The following PCDH9 variants were observed in gnomAD, a reference collection of about 807,000 sequenced individuals.
The protein encoded by PCDH9 is protocadherin 9.
In PCDH9, 24 loss-of-function variants were observed where a neutral mutation model predicts 70.6. The ratio of observed to expected loss-of-function variants is 0.34; its 90% CI spans 0.25 to 0.48. The LOEUF (loss-of-function observed/expected upper bound fraction) is 0.48, where lower values mean the gene tolerates loss of function less well. Among genes scored for constraint, PCDH9 ranks in the 20% least tolerant of loss-of-function variants. The pLI is 0.99. For missense variants in PCDH9, 1,281 were observed against 1,503.6 expected (o/e 0.85, Z 2.45); for synonymous variants, 562 against 558.5 (o/e 1.01, Z -0.09).
At chr13:66,586,999 T>A (rs944738107) in intron 4 of PCDH9, among the ~76,000 whole-genome samples, 4 of 152,002 alleles carry the variant, frequency 2.6e-5, no homozygotes, top group African/African-American at 7.2e-5. Context: ...AAAATTAATA[T>A]ATTATCACTG....
chr13:66,611,233 A>G (rs948251605), intron 4 of PCDH9, among the ~76,000 whole-genome samples: 3 of 152,206 alleles, frequency 2.0e-5, no homozygotes, highest in African/African-American at 7.2e-5. Context: ...TTTCATTCAC[A>G]GAGACTAACT....
intron 4 of PCDH9, among the ~76,000 whole-genome samples, chr13:66,445,623 A>G (rs1176783403): frequency 7.2e-6 from 1 of 138,330 alleles, no homozygotes; most frequent in African/African-American, 2.7e-5. Context: ...ATATATACAC[A>G]TATATATTAT....
intron 2 of PCDH9, among the ~76,000 whole-genome samples, chr13:66,909,637 C>G (rs570318618): frequency 6.6e-6 from 1 of 151,876 alleles, no homozygotes; most frequent in Admixed American, 6.6e-5. Flanking sequence ...GGCGTGGTGG[C>G]GGGCGCCTGT....
At chr13:67,045,405 C>T (rs1378503065) in intron 2 of PCDH9, among the ~76,000 whole-genome samples, 1 of 151,948 alleles carries the variant, frequency 6.6e-6, no homozygotes, top group Non-Finnish European at 1.5e-5. Context: ...CTTTGAATAC[C>T]TCTTTCCATC....
At chr13:67,028,334 C>T (rs1326725930) in intron 2 of PCDH9, among the ~76,000 whole-genome samples, 24 of 141,308 alleles carry the variant, frequency 1.7e-4, no homozygotes, top group South Asian at 4.6e-4. Context: ...AACCAAACAC[C>T]GCATATTCTC....
chr13:67,059,830 TAAC>T lies in PCDH9; in HGVS notation c.3037-156228_3037-156226del, dbSNP rs531342133. On this transcript the variant is annotated intron_variant, in intron 2 of 4. Transcript: ENST00000377865. ...GTGTTTACTGCCTTAACGGCATCCA[TAAC>T]AACAACATTTTGTATCTGTGTATTT... 1.3e-4 allele frequency among the ~76,000 whole-genome samples: 19 copies of T among 151,968 alleles called. No homozygotes were observed. In the East Asian group the frequency reaches 2.1e-3, roughly 17 times the overall value.
intron 3 of PCDH9, among the ~76,000 whole-genome samples, chr13:66,890,549 T>A (rs2082080157): frequency 6.6e-6 from 1 of 151,804 alleles, no homozygotes; most frequent in South Asian, 2.1e-4. Context: ...ATTGCCACTT[T>A]TACAAATGAG....
chr13:66,795,372 A>T (rs1169205122), intron 3 of PCDH9, among the ~76,000 whole-genome samples: 5 of 152,164 alleles, frequency 3.3e-5, no homozygotes, highest in Non-Finnish European at 7.4e-5. Flanking sequence ...CATACTACAT[A>T]TAAATATAAG....
intron 2 of PCDH9, among the ~76,000 whole-genome samples, chr13:67,112,771 A>T (rs1382880667): frequency 1.3e-5 from 2 of 150,284 alleles, no homozygotes. Flanking sequence ...AGCCTGGAGT[A>T]CAGTTGAACA....
At chr13:66,617,841 T>C (rs1162946066) in intron 4 of PCDH9, among the ~76,000 whole-genome samples, 1 of 152,014 alleles carries the variant, frequency 6.6e-6, no homozygotes, top group East Asian at 1.9e-4. Flanking sequence ...GATAAGCCCC[T>C]GAGGGACCTC....
chr13:66,377,507 A>G (rs989707750), intron 4 of PCDH9, among the ~76,000 whole-genome samples: 2 of 152,178 alleles, frequency 1.3e-5, no homozygotes, highest in Non-Finnish European at 2.9e-5. Context: ...AAGAAAAAAA[A>G]AGATATGCTG....
At chr13:66,331,387 C>T (rs982727539) in intron 4 of PCDH9, among the ~76,000 whole-genome samples, 16 of 152,134 alleles carry the variant, frequency 1.1e-4, no homozygotes, top group East Asian at 9.7e-4. Context: ...CCTCTGGCCC[C>T]GAACTTCATG....
chr13:66,375,925 C>A (rs1193161959), intron 4 of PCDH9, among the ~76,000 whole-genome samples: 1 of 152,002 alleles, frequency 6.6e-6, no homozygotes, highest in East Asian at 1.9e-4. Context: ...GGCTTCAGTT[C>A]TCCTCTGTGA....
chr13:67,191,378 A>G (rs1271772299), intron 2 of PCDH9, among the ~76,000 whole-genome samples: 1 of 152,154 alleles, frequency 6.6e-6, no homozygotes, highest in African/African-American at 2.4e-5. Context: ...ATTGGCTCTC[A>G]ATAAATACTT....
chr13:66,503,355 C>T (rs1308839542), intron 4 of PCDH9, among the ~76,000 whole-genome samples: 6 of 151,530 alleles, frequency 4.0e-5, no homozygotes, highest in African/African-American at 7.3e-5. Context: ...CCAAACTCCC[C>T]TGGGAGACTG....
chr13:66,536,098 T>C (rs1320456710), intron 4 of PCDH9, among the ~76,000 whole-genome samples: 1 of 152,088 alleles, frequency 6.6e-6, no homozygotes, highest in Non-Finnish European at 1.5e-5. Flanking sequence ...AGGTTATCTG[T>C]TAAGTTTAAA....
At chr13:66,547,871 TATA>T (rs1474176566) in intron 4 of PCDH9, among the ~76,000 whole-genome samples, 2 of 146,154 alleles carry the variant, frequency 1.4e-5, no homozygotes, top group East Asian at 2.0e-4. Flanking sequence ...TATATTATTA[TATA>T]ATAATATGAT....
chr13:66,365,398 TA>T (rs1356922717), intron 4 of PCDH9, among the ~76,000 whole-genome samples: 1 of 152,220 alleles, frequency 6.6e-6, no homozygotes, highest in Admixed American at 6.5e-5. Flanking sequence ...GATGATGTTA[TA>T]ACTGGCACAA....
chr13:66,831,763 A>T (rs979808325), intron 3 of PCDH9, among the ~76,000 whole-genome samples: 9 of 152,108 alleles, frequency 5.9e-5, no homozygotes, highest in African/African-American at 2.2e-4. Flanking sequence ...AATGTGAGTC[A>T]CCAGGTTAGT....
Sources: gnomAD v4.1 joint callset for allele counts (sites outside exome capture counted in the v4.1 genomes callset) on GRCh38, gnomAD v4.1.1 for gene constraint, MANE v1.5 for transcripts, NCBI Gene and HGNC (gene_info 2026-07-23, HGNC 2026-07-21) for gene names.